The following WDR87 variants were observed in gnomAD, a reference collection of about 807,000 sequenced individuals.
WDR87 encodes WD repeat-containing protein 87.
In WDR87, 56 loss-of-function variants were observed where a neutral mutation model predicts 83.3. That is an observed-to-expected ratio of 0.67 (90% CI 0.54 to 0.84). WDR87 has a LOEUF of 0.84. WDR87 is among the 40% of genes least tolerant of loss of function. The pLI is 0.00. For synonymous variants in WDR87, 1,173 were observed against 1,250.6 expected, an observed-to-expected ratio of 0.94 and a Z score of 1.31; for missense variants, 2,939 against 3,431.9, an observed-to-expected ratio of 0.86 and a Z score of 3.59.
Position 37,885,777 on chromosome 19 carries a change from A to T in WDR87, c.7894T>A (p.Ser2632Thr). The T allele has an allele frequency of 1.3e-6, 2 of 1,551,684 alleles. No homozygotes were observed. Among genetic ancestry groups the T allele is most frequent in the Non-Finnish European group, 1.7e-6 (2 of 1,147,002 alleles). Residue 2632 changes from serine to threonine, a missense_variant, in exon 6 of 6, where the codon TCC becomes ACC. By Grantham distance (58) the Ser-to-Thr change is moderately conservative (BLOSUM62 1). Around this residue, in one of 3 missense-constraint regions of WDR87, gnomAD observed 2,160 missense variants for 2,533.1 expected, o/e 0.85. Transcript: ENST00000447313. Reference protein sequence around the residue: ...SQDTRISSRQSMSPKYLKVIP... With the variant: ...SQDTRISSRQTMSPKYLKVIP... ...ACTTTCAGGTATTTTGGACTCATGGACTGTCTACTTGAGATCCTTGTGTCT... is the reference window on the plus strand; with the variant it reads ...ACTTTCAGGTATTTTGGACTCATGGTCTGTCTACTTGAGATCCTTGTGTCT...
chr19:37,896,880 A>G (rs1174418842), intron 2 of WDR87, among the ~76,000 whole-genome samples: 3 of 152,178 alleles, frequency 2.0e-5, no homozygotes, highest in African/African-American at 7.2e-5. Context: ...TCGGCCTCCC[A>G]AAGTGCTGGG....
chr19:37,885,719 C>T lies in WDR87; in HGVS notation c.7952G>A (p.Ser2651Asn). 2 of 1,551,722 alleles carry T rather than the reference C, an allele frequency of 1.3e-6. No individual in the cohort carries two copies. Among genetic ancestry groups the T allele is most frequent in the Non-Finnish European group, 1.7e-6 (2 of 1,147,012 alleles). Residue 2651 changes from serine to asparagine, a missense_variant, in exon 6 of 6, where the codon AGC becomes AAC. This residue lies in a region of WDR87 where 2,160 missense variants were observed against 2,533.1 expected (regional missense o/e 0.85). Coordinates refer to ENST00000447313, the MANE Select transcript of WDR87 (RefSeq NM_001291088.2). ...GGGGACAGCCAAAGGTTTTGGCCAG[C>T]TCTCCTTTTCCTTTGCTTTTATAGG... is the stretch of plus-strand genomic sequence containing the variant. ...IPPIKAKEKESWPKPLAVPTQ... is the reference protein window; with the variant it reads ...IPPIKAKEKENWPKPLAVPTQ...
rs2046132035 is a variant in WDR87 at position 37,885,158 on chromosome 19, G to A, written c.8513C>T (p.Pro2838Leu). The part of the protein sequence containing the change: ...EEALKATELV[P>L]GERLFCCLFC... ...CAGGCAGCAGAACAGCCGTTCCCCG[G>A]GAACTAGCTCTGTGGCTTTTAGGGC... Residue 2838 changes from proline to leucine, a missense_variant, in exon 6 of 6, where the codon CCC becomes CTC. Around this residue, in one of 3 missense-constraint regions of WDR87, gnomAD observed 2,160 missense variants for 2,533.1 expected, o/e 0.85. Transcript: ENST00000447313. 1 of 1,464,248 alleles carries A rather than the reference G, an allele frequency of 6.8e-7. No individual in the cohort carries two copies. Among genetic ancestry groups the A allele is most frequent in the Non-Finnish European group, 9.0e-7 (1 of 1,108,444 alleles). 90.7% of individuals were successfully genotyped at this position (1,464,248 alleles called of 1,614,324 possible).
chr19:37,893,190 G>A lies in WDR87; in HGVS notation c.2513C>T (p.Thr838Ile), dbSNP rs927241159. Residue 838 changes from threonine (T) to isoleucine (I), a missense_variant, in exon 4 of 6, where the codon ACC becomes ATC. Transcript: ENST00000447313. ...CAGGTTGCACTGTAGGTATATTGGG[G>A]TGCCCTCTGGCCAAAGACGGGCACG... ...VIRARLWPEG[T>I]PIYLQCNLHA... 23 of 1,551,870 alleles carry A rather than the reference G, an allele frequency of 1.5e-5. No individual in the cohort carries two copies. The highest frequency in any genetic ancestry group is 1.5e-5 in the Non-Finnish European group (17 of 1,147,034).
Position 37,899,025 on chromosome 19 carries a change from C to T in WDR87, c.-46-740G>A, listed in dbSNP as rs553905708. On this transcript the variant is annotated intron_variant, in intron 1 of 5. Transcript: ENST00000447313. The stretch of plus-strand genomic sequence containing the variant: ...ATCAATGAATAATTGTTGTTGCTGC[C>T]CATCAATCTGAGATTAAGGCCCATC... Among the ~76,000 whole-genome samples the T allele has an allele frequency of 2.6e-5, 4 of 152,112 alleles. No homozygotes were observed. In the East Asian group the frequency reaches 7.7e-4, roughly 29 times the overall value.
chr19:37,891,891 G>A (rs2046208894), intron 4 of WDR87, 71 bp from the exon 5 acceptor site: 7 of 1,508,654 alleles, frequency 4.6e-6, no homozygotes, highest in Admixed American at 2.2e-5. Context: ...AGCAAAAAAC[G>A]GTTGTGGAAC....
At chr19:37,899,244 C>A (rs1000351543) in intron 1 of WDR87, among the ~76,000 whole-genome samples, 1 of 151,786 alleles carries the variant, frequency 6.6e-6, no homozygotes, top group Non-Finnish European at 1.5e-5. Context: ...TATGGTGAAA[C>A]CCCGTCTCTA....
At position 37,887,131 on chromosome 19, in the gene WDR87, C is replaced by T; in HGVS notation, c.6540G>A (p.Arg2180=). 6.5e-7 allele frequency: 1 copy of T among 1,550,368 alleles called. No homozygotes were observed. The highest frequency in any genetic ancestry group is 8.7e-7 in the Non-Finnish European group (1 of 1,146,798). Residue 2180 remains arginine (R), a synonymous_variant, in exon 6 of 6, where the codon CGG becomes CGA. Coordinates refer to ENST00000447313, the MANE Select transcript of WDR87 (RefSeq NM_001291088.2). ...ELTKDEKKLA[R]KQRKLANKMR... ...TTTTGTTGGCCAGTTTTCTCTGCTT[C>T]CGAGCCAGTTTCTTCTCATCTTTAG...
rs2046154321 is a variant in WDR87 at position 37,886,992 on chromosome 19, C to T, written c.6679G>A (p.Glu2227Lys). ...DEEEGGIEEE[E>K]VIPFLKRRWR... The stretch of plus-strand genomic sequence containing the variant: ...CTTCGTTTAAGGAATGGGATTACCT[C>T]TTCTTCTTCTATTCCTCCTTCCTCT... Residue 2227 changes from glutamate to lysine, a missense_variant, in exon 6 of 6, where the codon GAG becomes AAG. Coordinates refer to ENST00000447313, the MANE Select transcript of WDR87 (RefSeq NM_001291088.2). 1.9e-6 allele frequency: 3 copies of T among 1,551,838 alleles called. No homozygotes were observed. Among genetic ancestry groups the T allele is most frequent in the African/African-American group, 2.7e-5 (2 of 72,984 alleles).
Position 37,888,449 on chromosome 19 carries a change from TG to T in WDR87, c.5221del (p.Gln1741ArgfsTer34). The T allele has an allele frequency of 6.4e-7, 1 of 1,552,216 alleles. No individual in the cohort carries two copies. The highest frequency in any genetic ancestry group is 1.2e-5 in the South Asian group (1 of 84,058). Reference protein sequence around the residue: ...ILAQKVEELPQREQNLDWQEK... With the variant: ...ILAQKVEELPXREQNLDWQEK... ...TTGCCAGTCCAGATTTTGTTCCCTC[TG>T]GGGCAGTTCTTCCACTTTCTGGGCC... On this transcript the variant is annotated frameshift_variant, in exon 6 of 6. Coordinates refer to ENST00000447313, the MANE Select transcript of WDR87 (RefSeq NM_001291088.2). LOFTEE classifies it low-confidence loss of function (END_TRUNC).
intron 2 of WDR87, among the ~76,000 whole-genome samples, chr19:37,896,674 A>G (rs1284069236): frequency 2.6e-5 from 4 of 152,130 alleles, no homozygotes; most frequent in Admixed American, 2.0e-4. Context: ...GCTGGAATGC[A>G]GTAGCGTGAT....
Position 37,886,764 on chromosome 19 carries a change from C to T in WDR87, c.6907G>A (p.Glu2303Lys), listed in dbSNP as rs201328117. 6.1e-5 allele frequency: 82 copies of T among 1,339,542 alleles called. No individual in the cohort carries two copies. Among genetic ancestry groups the T allele is most frequent in the South Asian group, 1.8e-4 (12 of 66,542 alleles). 83.0% of individuals were successfully genotyped at this position (1,339,542 alleles called of 1,614,324 possible). The change falls in exon 6 of 6, where the codon GAG becomes AAG. Residue 2303 changes from glutamate to lysine, a missense_variant. Transcript: ENST00000447313. ...TCCTCCTTCCTTTCCTCCTCCTCCTCCCTTTCCTCCTCCTCCTCCCTTTCC... is the reference window on the plus strand; with the variant it reads ...TCCTCCTTCCTTTCCTCCTCCTCCTTCCTTTCCTCCTCCTCCTCCCTTTCC... ...EEEREEEEER[E>K]EEEERKEEEE...
At chr19:37,897,787 C>T (rs947220897) in intron 2 of WDR87, among the ~76,000 whole-genome samples, 7 of 152,088 alleles carry the variant, frequency 4.6e-5, no homozygotes, top group Non-Finnish European at 7.4e-5. Flanking sequence ...TGGGAGGCAG[C>T]TGAGGCAGGA....
intron 1 of WDR87, among the ~76,000 whole-genome samples, chr19:37,903,667 C>T (rs1409842275): frequency 6.6e-6 from 1 of 151,940 alleles, no homozygotes; most frequent in East Asian, 1.9e-4. Context: ...GTAGTTGGGA[C>T]TACAGGCTAG....
chr19:37,893,237 G>A lies in WDR87; in HGVS notation c.2466C>T (p.Cys822=), dbSNP rs1346144950. The change falls in exon 4 of 6, where the codon TGC becomes TGT. Residue 822 remains cysteine (C), a synonymous_variant. Transcript: ENST00000447313. Reference sequence around the variant, plus strand: ...CACGAATCACTGAATTGGGGATATAGCAGTCAGGGGCAAAAAGCCATTCCC... The same window carrying A: ...CACGAATCACTGAATTGGGGATATAACAGTCAGGGGCAAAAAGCCATTCCC... The part of the protein sequence containing the change: ...HGREWLFAPD[C]YIPNSVIRAR... 7 of 1,551,766 alleles carry A rather than the reference G, an allele frequency of 4.5e-6. No individual in the cohort carries two copies. The African/African-American group carries it at 5.5e-5, about 12-fold the overall frequency.
At chr19:37,895,595 CCA>C in intron 3 of WDR87, 139 bp from the exon 4 acceptor site, 1 of 717,658 alleles carries the variant, frequency 1.4e-6, no homozygotes, top group South Asian at 2.0e-5. Context: ...TGGTGAAACC[CCA>C]TCTCTACTAA....
intron 1 of WDR87, among the ~76,000 whole-genome samples, chr19:37,899,852 C>T (rs1050699995): frequency 1.3e-5 from 2 of 152,208 alleles, no homozygotes; most frequent in Non-Finnish European, 2.9e-5. Flanking sequence ...CTCCTGGCCT[C>T]AAGCTTTGGC....
chr19:37,901,555 A>G (rs1367609142), intron 1 of WDR87, among the ~76,000 whole-genome samples: 1 of 152,160 alleles, frequency 6.6e-6, no homozygotes, highest in Non-Finnish European at 1.5e-5. Context: ...ATTTGCAGTC[A>G]CTGCCATCAC....
Position 37,885,865 on chromosome 19 carries a change from T to C in WDR87, c.7806A>G (p.Glu2602=). 6.4e-7 allele frequency: 1 copy of C among 1,552,198 alleles called. No homozygotes were observed. Among genetic ancestry groups the C allele is most frequent in the Non-Finnish European group, 8.7e-7 (1 of 1,147,100 alleles). The change falls in exon 6 of 6, where the codon GAA becomes GAG. Residue 2602 remains glutamate (E), a synonymous_variant. Transcript: ENST00000447313. Reference sequence around the variant, plus strand: ...CTTCATGTTTGGCCAGATGCAGCCATTCTAAGTTTCCCTTTGAGGCAAGGT... The same window carrying C: ...CTTCATGTTTGGCCAGATGCAGCCACTCTAAGTTTCCCTTTGAGGCAAGGT... The part of the protein sequence containing the change: ...LKDLASKGNL[E]WLHLAKHEAI...
Sources: allele counts gnomAD v4.1 joint callset (sites outside exome capture counted in the v4.1 genomes callset), GRCh38; gene constraint gnomAD v4.1.1; regional missense constraint gnomAD v4.1.1; transcripts MANE v1.5; gene names NCBI Gene and HGNC (gene_info 2026-07-23, HGNC 2026-07-21).